ZCCHC24: variants seen among roughly 807,000 people sequenced by gnomAD.
ZCCHC24 encodes zinc finger CCHC domain-containing protein 24.
A neutral mutation model predicts 26.2 loss-of-function variants in ZCCHC24; 10 were observed. That is an observed-to-expected ratio of 0.38 (90% confidence interval 0.24 to 0.65). The LOEUF (loss-of-function observed/expected upper bound fraction) is 0.65. Ranked by LOEUF, ZCCHC24 falls within the 30% of genes least tolerant of loss-of-function variation. ZCCHC24 has a pLI of 0.54. For synonymous variants in ZCCHC24, 144 were observed against 147.1 expected (o/e 0.98, Z 0.15); for missense variants, 243 against 329.1 (o/e 0.74, Z 2.03).
chr10:79,443,400 G>A (rs1289133166), intron 1 of ZCCHC24, among the ~76,000 whole-genome samples: 4 of 152,178 alleles, frequency 2.6e-5, no homozygotes, highest in African/African-American at 9.7e-5. Flanking sequence ...CATGGTAGGG[G>A]GAGCAGAGGG....
intron 2 of ZCCHC24, among the ~76,000 whole-genome samples, chr10:79,398,503 T>C (rs1041366931): frequency 2.6e-5 from 4 of 152,168 alleles, no homozygotes; most frequent in Admixed American, 2.6e-4. Flanking sequence ...GTCTGAGGTA[T>C]TGCCGAGGCT....
intron 2 of ZCCHC24, among the ~76,000 whole-genome samples, chr10:79,408,604 AAAGT>A (rs1238499354): frequency 6.6e-6 from 1 of 152,226 alleles, no homozygotes; most frequent in Non-Finnish European, 1.5e-5. Flanking sequence ...GCGCGGAAGA[AAAGT>A]AAGTATCCCA....
In ZCCHC24 at chr10:79,409,506, C is replaced by T. The variant is rs576847725; in HGVS notation, c.448-15066G>A. ...ACCCTGTAGGGGTCCCCTCTGATTC[C>T]CTGGGCCCAGCGTGGGTCTGGCACA... is the stretch of plus-strand genomic sequence containing the variant. On this transcript the variant is annotated intron_variant, in intron 2 of 3. Transcript: ENST00000372336. 2.0e-5 allele frequency among the ~76,000 whole-genome samples: 3 copies of T among 152,338 alleles called. No homozygotes were observed. The East Asian group carries it at 5.8e-4, about 29-fold the overall frequency.
At chr10:79,397,872 G>A (rs1237125941) in intron 2 of ZCCHC24, among the ~76,000 whole-genome samples, 1 of 152,208 alleles carries the variant, frequency 6.6e-6, no homozygotes, top group Non-Finnish European at 1.5e-5. Context: ...CAGACTGGAG[G>A]TGGACTCTGG....
intron 2 of ZCCHC24, among the ~76,000 whole-genome samples, chr10:79,399,267 A>T (rs1337806334): frequency 6.6e-6 from 1 of 152,160 alleles, no homozygotes; most frequent in African/African-American, 2.4e-5. Flanking sequence ...GGCCAAGGGG[A>T]GAAGGAATTT....
At chr10:79,404,886 T>C (rs1856689633) in intron 2 of ZCCHC24, among the ~76,000 whole-genome samples, 1 of 152,232 alleles carries the variant, frequency 6.6e-6, no homozygotes, top group Non-Finnish European at 1.5e-5. Flanking sequence ...AGTGACATGC[T>C]GCCCATCTGT....
At chr10:79,441,431 G>A (rs533359902) in intron 1 of ZCCHC24, among the ~76,000 whole-genome samples, 30 of 152,200 alleles carry the variant, frequency 2.0e-4, no homozygotes, top group African/African-American at 7.2e-4. Flanking sequence ...AACCTCCAAT[G>A]GGTAGACCTG....
intron 2 of ZCCHC24, among the ~76,000 whole-genome samples, chr10:79,401,566 C>T (rs952674267): frequency 1.3e-5 from 2 of 152,164 alleles, no homozygotes; most frequent in African/African-American, 2.4e-5. Context: ...CCCACCAAGC[C>T]GGGATGGTGA....
intron 2 of ZCCHC24, among the ~76,000 whole-genome samples, chr10:79,432,305 G>A (rs1462364251): frequency 2.6e-5 from 4 of 152,208 alleles, no homozygotes; most frequent in Non-Finnish European, 4.4e-5. Context: ...GGCCCAGTTC[G>A]GGTCCAAAAA....
In ZCCHC24 at chr10:79,382,832, GGCAAA is replaced by G. The variant is rs1294382008; in HGVS notation, c.*3508_*3512del. 1 of 152,778 alleles carries G rather than the reference GGCAAA, an allele frequency of 6.5e-6. No individual in the cohort carries two copies. The highest frequency in any genetic ancestry group is 1.9e-4 in the East Asian group (1 of 5,328). The allele number at this position is 152,778 out of a possible 1,614,324, so 9.5% of individuals were successfully genotyped here. The stretch of plus-strand genomic sequence containing the variant: ...GGCCTGGAGGAGGCGTGGCTCAGAT[GGCAAA>G]GCTCCCGAGCGGCGAGGCCAGGCTT... On this transcript the variant is annotated 3_prime_UTR_variant, in exon 4 of 4. Transcript: ENST00000372336.
At chr10:79,422,070 C>G (rs1856944656) in intron 2 of ZCCHC24, among the ~76,000 whole-genome samples, 2 of 152,172 alleles carry the variant, frequency 1.3e-5, no homozygotes, top group African/African-American at 4.8e-5. Context: ...TTCGCATGCT[C>G]CCTAACATGT....
intron 2 of ZCCHC24, 113 bp downstream of exon 2, chr10:79,432,445 C>T: frequency 8.9e-7 from 1 of 1,126,192 alleles, no homozygotes; most frequent in South Asian, 1.7e-5. Flanking sequence ...CACGGGGCCA[C>T]TCATTGGTGG....
At chr10:79,419,216 C>T (rs1856908003) in intron 2 of ZCCHC24, among the ~76,000 whole-genome samples, 1 of 152,230 alleles carries the variant, frequency 6.6e-6, no homozygotes, top group Non-Finnish European at 1.5e-5. Context: ...GAGGGCAGAT[C>T]TGGCTCAGGA....
In ZCCHC24 at chr10:79,394,346, C is replaced by T. The variant is rs1167981331; in HGVS notation, c.542G>A (p.Ser181Asn). The change falls in exon 3 of 4, where the codon AGC becomes AAC. Residue 181 changes from serine to asparagine, a missense_variant. Physicochemically the swap from Ser to Asn is conservative, Grantham distance 46. This residue lies in a region of ZCCHC24 where 96 missense variants were observed against 178.3 expected (regional missense o/e 0.54). Coordinates refer to ENST00000372336, the MANE Select transcript of ZCCHC24 (RefSeq NM_153367.4). The part of the protein sequence containing the change: ...KCPKCKRKWM[S>N]GNSWANMGQE... ...CCCCATGTTGGCCCAGGAGTTCCCGCTCATCCATTTTCTCTTGCACTTGGG... is the reference window on the plus strand; with the variant it reads ...CCCCATGTTGGCCCAGGAGTTCCCGTTCATCCATTTTCTCTTGCACTTGGG... The T allele has an allele frequency of 1.9e-6, 3 of 1,614,132 alleles. No homozygotes were observed. The highest frequency in any genetic ancestry group is 1.7e-5 in the Admixed American group (1 of 60,014).
chr10:79,390,257 C>G (rs1589658224), intron 3 of ZCCHC24, among the ~76,000 whole-genome samples: 1 of 152,326 alleles, frequency 6.6e-6, no homozygotes. Flanking sequence ...AATCACTTAA[C>G]TTCTCTGGGA....
chr10:79,444,197 G>A, intron 1 of ZCCHC24: 10 of 1,523,362 alleles, frequency 6.6e-6, no homozygotes, highest in Non-Finnish European at 7.9e-6. Flanking sequence ...CACAAGGGGA[G>A]GAAGTGAAGG....
chr10:79,391,324 G>A (rs887822272), intron 3 of ZCCHC24, among the ~76,000 whole-genome samples: 2 of 152,088 alleles, frequency 1.3e-5, no homozygotes, highest in Non-Finnish European at 2.9e-5. Flanking sequence ...CGAGGCAGGT[G>A]GGGCCGTTGC....
chr10:79,424,012 C>T (rs1182218374), intron 2 of ZCCHC24, among the ~76,000 whole-genome samples: 24 of 108,412 alleles, frequency 2.2e-4, no homozygotes, highest in Admixed American at 3.9e-4. Flanking sequence ...AGCGAGACTC[C>T]GTCTGAAAAA....
In ZCCHC24 at chr10:79,394,678, G is replaced by C. The variant is rs368820707; in HGVS notation, c.448-238C>G. ...ATGGTGAAAAAACAGAGGAGATGGC[G>C]CACGTCTCTTCTAGATTTAAGGGGT... On this transcript the variant is annotated intron_variant, in intron 2 of 3. Coordinates refer to ENST00000372336, the MANE Select transcript of ZCCHC24 (RefSeq NM_153367.4). The C allele has an allele frequency of 1.3e-5, 13 of 963,732 alleles. No individual in the cohort carries two copies. In the African/African-American group the frequency reaches 2.3e-4, roughly 17 times the overall value. 59.7% of individuals were successfully genotyped at this position (963,732 alleles called of 1,614,324 possible). A position where few individuals can be genotyped will look rare whatever the true frequency, so the allele number is the denominator to read the frequency against.
Sources: gnomAD v4.1 joint callset for allele counts (sites outside exome capture counted in the v4.1 genomes callset) on GRCh38, gnomAD v4.1.1 for gene constraint, gnomAD v4.1.1 regional missense constraint, MANE v1.5 for transcripts, NCBI Gene and HGNC (gene_info 2026-07-23, HGNC 2026-07-21) for gene names.